Variants in CLPTM1L observed in about 807,000 individuals in gnomAD.
CLPTM1L encodes the protein lipid scramblase CLPTM1L.
In CLPTM1L, 38 loss-of-function variants were observed where a neutral mutation model predicts 70.9. The observed-to-expected ratio is 0.54, with a 90% CI of 0.41 to 0.70. The LOEUF (loss-of-function observed/expected upper bound fraction) is 0.70. CLPTM1L is among the 30% of genes least tolerant of loss of function. The probability of loss-of-function intolerance (pLI) is 0.00; values close to 1 mark genes in which losing one functional copy is unlikely to be tolerated. For synonymous variants in CLPTM1L, 339 were observed against 299.9 expected (o/e 1.13, Z -1.35); for missense variants, 652 against 705.9 (o/e 0.92, Z 0.87).
At position 1,327,165 on chromosome 5, in the gene CLPTM1L, G is replaced by A. The variant is rs371835924; in HGVS notation, c.1081-1349C>T. ...ATTTCATCCAGCTCCTCCTCTACAG[G>A]CACATTCCATCCAGCTCCTCCTCTA... On this transcript the variant is annotated intron_variant, in intron 9 of 16. Transcript: ENST00000320895. Among the ~76,000 whole-genome samples, 162 of 97,140 alleles carry A rather than the reference G, an allele frequency of 1.7e-3. 1 individual carries two copies. Among genetic ancestry groups the A allele is most frequent in the East Asian group, 4.6e-3 (13 of 2,848 alleles). The allele number at this position is 97,140 out of a possible 152,430, so 63.7% of individuals were successfully genotyped here.
At chr5:1,328,323 A>G (rs1304506185) in intron 9 of CLPTM1L, among the ~76,000 whole-genome samples, 1 of 69,394 alleles carries the variant, frequency 1.4e-5, no homozygotes, top group Non-Finnish European at 3.1e-5. Context: ...CTACTCCTCT[A>G]CGGACACATT....
In CLPTM1L at chr5:1,342,281, G is replaced by A. The variant is rs1754000282; in HGVS notation, c.264-421C>T. On this transcript the variant is annotated intron_variant, in intron 2 of 16. Coordinates refer to ENST00000320895, the MANE Select transcript of CLPTM1L (RefSeq NM_030782.5). The surrounding 1 kb of genome is among the most constrained non-coding windows in gnomAD (Gnocchi z 4.3). ...GACAGAAGGGAAGGGCAGCAGCCAC[G>A]AGGGCTCCAGGTGCCTCGGCCCACA... is the stretch of plus-strand genomic sequence containing the variant. 6.6e-6 allele frequency among the ~76,000 whole-genome samples: 1 copy of A among 152,156 alleles called. No homozygotes were observed.
In CLPTM1L at chr5:1,342,045, C is replaced by CGT. The variant is rs1450638136; in HGVS notation, c.264-186_264-185insAC. Among the ~76,000 whole-genome samples the CGT allele has an allele frequency of 4.5e-5, 6 of 132,480 alleles. No individual in the cohort carries two copies. Among genetic ancestry groups the CGT allele is most frequent in the Admixed American group, 1.4e-4 (2 of 14,106 alleles). 86.9% of individuals were successfully genotyped at this position (132,480 alleles called of 152,430 possible). On this transcript the variant is annotated intron_variant, in intron 2 of 16. Coordinates refer to ENST00000320895, the MANE Select transcript of CLPTM1L (RefSeq NM_030782.5). This position sits in a 1 kb window ranked among gnomAD's most constrained non-coding sequence, Gnocchi z 4.3. The stretch of plus-strand genomic sequence containing the variant: ...GTGTGTGTGTGTGTGTGTGTGCACG[C>CGT]GCACGCGTGCGCGTCCTGAGAACTC...
chr5:1,336,026 G>C (rs1472044534), intron 5 of CLPTM1L, among the ~76,000 whole-genome samples: 1 of 152,256 alleles, frequency 6.6e-6, no homozygotes, highest in Non-Finnish European at 1.5e-5. Context: ...GGGCACTGCT[G>C]GTGTCAGGGT....
Position 1,318,306 on chromosome 5 carries a change from T to C in CLPTM1L, c.*63A>G, listed in dbSNP as rs1160062368. The C allele has an allele frequency of 3.7e-6, 5 of 1,334,778 alleles. No homozygotes were observed. In the African/African-American group the frequency reaches 4.3e-5, roughly 12 times the overall value. The allele number at this position is 1,334,778 out of a possible 1,614,324, so 82.7% of individuals were successfully genotyped here. A position where few individuals can be genotyped will look rare whatever the true frequency, so the allele number is the denominator to read the frequency against. Reference sequence around the variant, plus strand: ...CGCAATGTCTAGGAATTCCTCCAAATGCTTCCAAAAATACTCATTGACAAT... The same window carrying C: ...CGCAATGTCTAGGAATTCCTCCAAACGCTTCCAAAAATACTCATTGACAAT... On this transcript the variant is annotated 3_prime_UTR_variant, in exon 17 of 17. Coordinates refer to ENST00000320895, the MANE Select transcript of CLPTM1L (RefSeq NM_030782.5). This position sits in a 1 kb window ranked among gnomAD's most constrained non-coding sequence, Gnocchi z 8.9.
intron 4 of CLPTM1L, 25 bp downstream of exon 4, chr5:1,338,835 G>A (rs749436408): frequency 9.9e-6 from 16 of 1,611,844 alleles, no homozygotes; most frequent in African/African-American, 1.3e-5. Context: ...TCCCCCCGGC[G>A]CTCCAGCTCT....
chr5:1,339,478 T>C (rs1397344508), intron 3 of CLPTM1L, among the ~76,000 whole-genome samples: 2 of 107,702 alleles, frequency 1.9e-5, no homozygotes, highest in East Asian at 2.9e-4. Context: ...TGTGAACAGA[T>C]GGCCACACAG....
At position 1,324,938 on chromosome 5, in the gene CLPTM1L, C is replaced by CAGGTCCCTACCAGGCGAGGAG. The variant is rs1188495375; in HGVS notation, c.1147-146_1147-126dup. 1.5e-5 allele frequency: 12 copies of CAGGTCCCTACCAGGCGAGGAG among 818,538 alleles called. No homozygotes were observed. In the African/African-American group the frequency reaches 2.0e-4, roughly 14 times the overall value. The allele number at this position is 818,538 out of a possible 1,614,324, so 50.7% of individuals were successfully genotyped here. A position where few individuals can be genotyped will look rare whatever the true frequency, so the allele number is the denominator to read the frequency against. On this transcript the variant is annotated intron_variant, in intron 10 of 16. Coordinates refer to ENST00000320895, the MANE Select transcript of CLPTM1L (RefSeq NM_030782.5). ...CCCAGGCCTCACTACAGAGGGCGCTCAGGTCCCTACCAGGCGAGGAGAGGA... is the reference window on the plus strand; with the variant it reads ...CCCAGGCCTCACTACAGAGGGCGCTCAGGTCCCTACCAGGCGAGGAGAGGTCCCTACCAGGCGAGGAGAGGA...
At chr5:1,327,784 C>T (rs375198) in intron 9 of CLPTM1L, among the ~76,000 whole-genome samples, 538 of 103,688 alleles carry the variant, frequency 5.2e-3, no homozygotes, top group African/African-American at 8.5e-3. Context: ...GGACATTCCA[C>T]CCAGCTCCTC....
intron 2 of CLPTM1L, among the ~76,000 whole-genome samples, chr5:1,343,376 T>C (rs1754070053): frequency 1.3e-5 from 2 of 152,160 alleles, no homozygotes; most frequent in Non-Finnish European, 1.5e-5. Context: ...CGGAGCTGTG[T>C]TAAGAGTGCT....
intron 10 of CLPTM1L, chr5:1,325,117 C>T: frequency 8.1e-6 from 4 of 496,744 alleles, no homozygotes; most frequent in Non-Finnish European, 1.1e-5. Context: ...GCAGAGCACA[C>T]AGGCACAGCC....
Position 1,318,185 on chromosome 5 carries a change from G to C in CLPTM1L, c.*184C>G. 2 of 601,774 alleles carry C rather than the reference G, an allele frequency of 3.3e-6. No individual in the cohort carries two copies. The highest frequency in any genetic ancestry group is 1.8e-5 in the African/African-American group (1 of 54,104). The allele number at this position is 601,774 out of a possible 1,614,324, so 37.3% of individuals were successfully genotyped here. On this transcript the variant is annotated 3_prime_UTR_variant, in exon 17 of 17. Transcript: ENST00000320895. This position sits in a 1 kb window ranked among gnomAD's most constrained non-coding sequence, Gnocchi z 8.9. ...GTGACCAAGACAGATGTTCACACGT[G>C]GGGGCATCGTAAGCGCTACCAGCTC... is the stretch of plus-strand genomic sequence containing the variant.
At chr5:1,331,288 G>GC (rs969248557) in intron 8 of CLPTM1L, 1 of 156,288 alleles carries the variant, frequency 6.4e-6, no homozygotes, top group African/African-American at 2.4e-5. Context: ...GTCCCTGACT[G>GC]CCCTACCTAA....
In CLPTM1L at chr5:1,318,383, G is replaced by A. The variant is rs772486193; in HGVS notation, c.1603C>T (p.Pro535Ser). The A allele has an allele frequency of 1.2e-6, 2 of 1,613,460 alleles. No individual in the cohort carries two copies. The highest frequency in any genetic ancestry group is 2.7e-5 in the African/African-American group (2 of 74,902). ...CCGGGCGGCCTTCAGTCCGTGTGGG[G>A]CGCCCGCGTGGCCTTCTCCTCGTAG... ...ESYEEKATRAPHTD is the reference protein window; with the variant it reads ...ESYEEKATRASHTD The change falls in exon 17 of 17, where the codon CCC becomes TCC. Residue 535 changes from proline (P) to serine (S), a missense_variant. Physicochemically the swap from Pro to Ser is moderately conservative, Grantham distance 74 (BLOSUM62 -1). This residue lies in a region of CLPTM1L where 240 missense variants were observed against 295.0 expected (regional missense o/e 0.81). Transcript: ENST00000320895. The surrounding 1 kb of genome is among the most constrained non-coding windows in gnomAD (Gnocchi z 8.9).
intron 7 of CLPTM1L, among the ~76,000 whole-genome samples, 156 bp downstream of exon 7, chr5:1,334,133 G>A (rs953678034): frequency 1.3e-5 from 2 of 152,168 alleles, no homozygotes; most frequent in African/African-American, 4.8e-5. Context: ...GTCGCCTGGT[G>A]TCAGGCGTGC....
chr5:1,341,955 A>G (rs1358685047), intron 2 of CLPTM1L, 95 bp from the exon 3 acceptor site: 3 of 1,006,372 alleles, frequency 3.0e-6, no homozygotes, highest in Non-Finnish European at 4.3e-6. Context: ...CAATAAACTA[A>G]TTTTAGCTCA....
In CLPTM1L at chr5:1,338,873, G is replaced by T; in HGVS notation, c.586C>A (p.Arg196=). 6.2e-7 allele frequency: 1 copy of T among 1,613,310 alleles called. No homozygotes were observed. The highest frequency in any genetic ancestry group is 8.5e-7 in the Non-Finnish European group (1 of 1,180,044). ...GGCCCCACTTACATCTTCATGTACCGATGCACATCGGCAGGCAGGGAGGAC... is the reference window on the plus strand; with the variant it reads ...GGCCCCACTTACATCTTCATGTACCTATGCACATCGGCAGGCAGGGAGGAC... ...DGSSLPADVH[R]YMKMIQLGKT... The change falls in exon 4 of 17, where the codon CGG becomes AGG. Residue 196 remains arginine, a synonymous_variant. Transcript: ENST00000320895.
At chr5:1,322,343 G>A (rs1428333371) in intron 13 of CLPTM1L, among the ~76,000 whole-genome samples, 4 of 152,214 alleles carry the variant, frequency 2.6e-5, no homozygotes, top group African/African-American at 9.6e-5. Context: ...GGTGCCACCT[G>A]GGGCAGGCGG....
At chr5:1,335,738 A>G (rs931410839) in intron 5 of CLPTM1L, among the ~76,000 whole-genome samples, 10 of 148,814 alleles carry the variant, frequency 6.7e-5, no homozygotes, top group African/African-American at 2.2e-4. Flanking sequence ...CCACGAGCTT[A>G]GTCCTGCAGC....
Sources: gnomAD v4.1 joint callset for allele counts (sites outside exome capture counted in the v4.1 genomes callset) on GRCh38, gnomAD v4.1.1 for gene constraint, gnomAD v4.1.1 regional missense constraint, Gnocchi (gnomAD v3.1) non-coding constraint, MANE v1.5 for transcripts, NCBI Gene and HGNC (gene_info 2026-07-23, HGNC 2026-07-21) for gene names.